The following SCRN1 variants were observed in gnomAD, a reference collection of about 807,000 sequenced individuals.
SCRN1 encodes the protein secernin-1.
A neutral mutation model predicts 43.3 loss-of-function variants in SCRN1; 19 were observed. The ratio of observed to expected loss-of-function variants is 0.44; its 90% CI spans 0.31 to 0.64. SCRN1 has a LOEUF of 0.64. SCRN1 is among the 30% of genes least tolerant of loss of function. The pLI is 0.09. For synonymous variants in SCRN1, 183 were observed against 188.9 expected, an observed-to-expected ratio of 0.97 and a Z score of 0.26; for missense variants, 447 against 524.1, an observed-to-expected ratio of 0.85 and a Z score of 1.44.
At chr7:29,959,964 G>A (rs1307868266) in intron 2 of SCRN1, among the ~76,000 whole-genome samples, 1 of 145,264 alleles carries the variant, frequency 6.9e-6, no homozygotes, top group Non-Finnish European at 1.5e-5. Context: ...GGGGGAGGGA[G>A]GGAGGAGGGA....
At chr7:29,953,484 C>T (rs763428607) in intron 3 of SCRN1, among the ~76,000 whole-genome samples, 6 of 151,678 alleles carry the variant, frequency 4.0e-5, no homozygotes, top group Non-Finnish European at 8.8e-5. Flanking sequence ...CTATAAGTCT[C>T]ATACTGCAAA....
intron 1 of SCRN1, among the ~76,000 whole-genome samples, chr7:29,973,085 T>C (rs1482542405): frequency 6.6e-6 from 1 of 152,160 alleles, no homozygotes; most frequent in African/African-American, 2.4e-5. Flanking sequence ...CTATCATCCA[T>C]ATAAACTGAA....
intron 4 of SCRN1, among the ~76,000 whole-genome samples, chr7:29,943,170 A>T (rs1787614606): frequency 6.6e-6 from 1 of 152,198 alleles, no homozygotes; most frequent in African/African-American, 2.4e-5. Context: ...CACCATTAGC[A>T]CAGGAGGGAA....
chr7:29,973,813 A>G (rs188890523), intron 1 of SCRN1, among the ~76,000 whole-genome samples: 1 of 152,366 alleles, frequency 6.6e-6, no homozygotes, highest in East Asian at 1.9e-4. Flanking sequence ...AATATGGGCA[A>G]GGGGTATGCA....
rs1419276608 is a variant in SCRN1, at chr7:29,955,361, C to T, written c.160-1G>A. The stretch of plus-strand genomic sequence containing the variant: ...CTTGGTCGATTGAAATGTAAGTGCA[C>T]TGAAAAACAAACACAGGAAAGAAAG... On this transcript the variant is annotated splice_acceptor_variant, in intron 2 of 7. Transcript: ENST00000242059. LOFTEE classifies it high-confidence loss of function. The T allele has an allele frequency of 6.2e-7, 1 of 1,612,554 alleles. No homozygotes were observed. Among genetic ancestry groups the T allele is most frequent in the Non-Finnish European group, 8.5e-7 (1 of 1,179,452 alleles).
intron 1 of SCRN1, among the ~76,000 whole-genome samples, chr7:29,976,454 C>T (rs755319543): frequency 1.3e-5 from 2 of 152,100 alleles, no homozygotes; most frequent in Non-Finnish European, 2.9e-5. Flanking sequence ...TTACAATCTG[C>T]GTACAGATTT....
intron 3 of SCRN1, among the ~76,000 whole-genome samples, chr7:29,951,031 G>T (rs1213599829): frequency 6.6e-6 from 1 of 152,230 alleles, no homozygotes; most frequent in Non-Finnish European, 1.5e-5. Flanking sequence ...TTGCAAAATT[G>T]CAGGTGATGA....
intron 1 of SCRN1, among the ~76,000 whole-genome samples, chr7:29,987,079 A>G (rs1482849702): frequency 6.6e-6 from 1 of 151,870 alleles, no homozygotes; most frequent in Non-Finnish European, 1.5e-5. Context: ...TCACTTCGAT[A>G]TATATATTCA....
chr7:29,959,612 C>A (rs556224585), intron 2 of SCRN1, among the ~76,000 whole-genome samples: 2 of 152,180 alleles, frequency 1.3e-5, no homozygotes, highest in East Asian at 3.9e-4. Flanking sequence ...GTCTTGCCTG[C>A]TATTTGACTG....
chr7:29,961,834 C>G (rs994653952), intron 2 of SCRN1, among the ~76,000 whole-genome samples: 2 of 152,106 alleles, frequency 1.3e-5, no homozygotes, highest in African/African-American at 4.8e-5. Flanking sequence ...GGCTGACCCC[C>G]CCACTGGAGG....
In SCRN1 at chr7:29,971,649, A is replaced by C. The variant is rs372295984; in HGVS notation, c.-1-2581T>G. Reference sequence around the variant, plus strand: ...ACCCTGTCTCAAAAAAAAAAAAAAAAAACTTTATTTGGGTTTTGACTGTTA... The same window carrying C: ...ACCCTGTCTCAAAAAAAAAAAAAAACAACTTTATTTGGGTTTTGACTGTTA... On this transcript the variant is annotated intron_variant, in intron 1 of 7. Transcript: ENST00000242059. Among the ~76,000 whole-genome samples the C allele has an allele frequency of 7.9e-5, 12 of 152,248 alleles. No individual in the cohort carries two copies. In the East Asian group the frequency reaches 1.4e-3, roughly 17 times the overall value.
intron 1 of SCRN1, 161 bp from the exon 2 acceptor site, chr7:29,969,229 TGCAGTGGA>T: frequency 1.3e-6 from 1 of 745,538 alleles, no homozygotes; most frequent in Non-Finnish European, 2.1e-6. Context: ...GTGGGACGCC[TGCAGTGGA>T]ATGACAGAGC....
upstream of SCRN1, chr7:29,990,174 T>C (rs1312160151): frequency 2.6e-6 from 4 of 1,551,586 alleles, no homozygotes; most frequent in Admixed American, 2.0e-5. Context: ...GAGAAATGTG[T>C]CCTGTACCTT....
intron 6 of SCRN1, among the ~76,000 whole-genome samples, chr7:29,932,953 T>C (rs1787209700): frequency 6.6e-6 from 1 of 152,124 alleles, no homozygotes; most frequent in Admixed American, 6.5e-5. Context: ...CTCAGCTCAC[T>C]GCAACCTTTG....
Position 29,938,982 on chromosome 7 carries a change from T to C in SCRN1, c.739+1700A>G, listed in dbSNP as rs987892103. On this transcript the variant is annotated intron_variant, in intron 5 of 7. Transcript: ENST00000242059. Reference sequence around the variant, plus strand: ...CTCTATCCTCTGTATTTTCTGTAAATTAGTAGCTAGACCTAAAGGCTTTAT... The same window carrying C: ...CTCTATCCTCTGTATTTTCTGTAAACTAGTAGCTAGACCTAAAGGCTTTAT... Among the ~76,000 whole-genome samples, 75 of 152,168 alleles carry C rather than the reference T, an allele frequency of 4.9e-4. 1 individual carries two copies. The highest frequency in any genetic ancestry group is 1.6e-3 in the African/African-American group (68 of 41,442).
chr7:29,987,961 T>A (rs1160108003), intron 1 of SCRN1, among the ~76,000 whole-genome samples: 1 of 152,080 alleles, frequency 6.6e-6, no homozygotes, highest in African/African-American at 2.4e-5. Context: ...CCATTATCCC[T>A]GAAGCATTTG....
intron 5 of SCRN1, among the ~76,000 whole-genome samples, chr7:29,937,924 T>C (rs1787395753): frequency 6.6e-6 from 1 of 152,220 alleles, no homozygotes. Context: ...CTTGCTTGCT[T>C]CAACTGTCCA....
At chr7:29,947,536 G>A (rs1020320565) in intron 3 of SCRN1, among the ~76,000 whole-genome samples, 1 of 152,150 alleles carries the variant, frequency 6.6e-6, no homozygotes, top group Non-Finnish European at 1.5e-5. Flanking sequence ...TAGAAAGGTG[G>A]GCCTAGTATT....
intron 1 of SCRN1, among the ~76,000 whole-genome samples, chr7:29,970,468 T>C (rs1313261852): frequency 1.3e-5 from 2 of 152,242 alleles, no homozygotes; most frequent in East Asian, 3.8e-4. Flanking sequence ...TGCTGTACTA[T>C]ACACTCTCAT....
Sources: gnomAD v4.1 joint callset for allele counts (sites outside exome capture counted in the v4.1 genomes callset) on GRCh38, gnomAD v4.1.1 for gene constraint, MANE v1.5 for transcripts, NCBI Gene and HGNC (gene_info 2026-07-23, HGNC 2026-07-21) for gene names.